Variants in ENOX1 observed in about 807,000 individuals in gnomAD.
The protein encoded by ENOX1 is candidate growth-related and time keeping constitutive hydroquinone (NADH) oxidase.
ENOX1 carries 42 observed loss-of-function variants against 82.5 expected under a neutral mutation model. That is an observed-to-expected ratio of 0.51 (90% CI 0.40 to 0.66). The LOEUF (loss-of-function observed/expected upper bound fraction) is 0.66. ENOX1 is among the 30% of genes least tolerant of loss of function. ENOX1 has a pLI of 0.00. For missense variants in ENOX1, 608 were observed against 811.6 expected (o/e 0.75, Z 3.05); for synonymous variants, 271 against 282.2 (o/e 0.96, Z 0.40).
chr13:43,456,422 C>G lies in ENOX1; in HGVS notation c.-75+27587G>C, dbSNP rs548068153. Among the ~76,000 whole-genome samples the G allele has an allele frequency of 3.3e-5, 5 of 151,992 alleles. No homozygotes were observed. The South Asian group carries it at 8.4e-4, about 25-fold the overall frequency. On this transcript the variant is annotated intron_variant, in intron 3 of 16. Coordinates refer to ENST00000690772, the MANE Select transcript of ENOX1 (RefSeq NM_001347969.2). Reference sequence around the variant, plus strand: ...AGTGGGTCTAGTTTCCAAGGGAAACCCTGAGTGTAGACAGGGTGTGCTTTT... The same window carrying G: ...AGTGGGTCTAGTTTCCAAGGGAAACGCTGAGTGTAGACAGGGTGTGCTTTT...
At chr13:43,354,722 A>C (rs1164041226) in intron 8 of ENOX1, among the ~76,000 whole-genome samples, 1 of 152,206 alleles carries the variant, frequency 6.6e-6, no homozygotes, top group African/African-American at 2.4e-5. Flanking sequence ...GGGCTCTGCC[A>C]TCTGGCCCAG....
rs566482786 is a variant in ENOX1, at chr13:43,770,594, T to C, written c.-285+16058A>G. 1.1e-4 allele frequency among the ~76,000 whole-genome samples: 17 copies of C among 151,948 alleles called. No individual in the cohort carries two copies. The South Asian group carries it at 3.3e-3, about 30-fold the overall frequency. On this transcript the variant is annotated intron_variant, in intron 1 of 16. Coordinates refer to ENST00000690772, the MANE Select transcript of ENOX1 (RefSeq NM_001347969.2). ...ATGGAGAGAGGCCCATTACATGTTA[T>C]TATGAGTTATTATGAAAAAATGGAT...
intron 2 of ENOX1, among the ~76,000 whole-genome samples, chr13:43,522,797 A>C (rs1056689690): frequency 6.6e-6 from 1 of 152,200 alleles, no homozygotes; most frequent in African/African-American, 2.4e-5. Context: ...TCATAAAAGA[A>C]GGGATATTTT....
intron 2 of ENOX1, among the ~76,000 whole-genome samples, chr13:43,593,594 G>T (rs772477128): frequency 3.3e-5 from 5 of 150,940 alleles, no homozygotes; most frequent in Non-Finnish European, 7.4e-5. Context: ...AGCCAACAAG[G>T]GCGCCCTCAC....
At chr13:43,590,138 T>C (rs1340176856) in intron 2 of ENOX1, among the ~76,000 whole-genome samples, 2 of 151,636 alleles carry the variant, frequency 1.3e-5, no homozygotes, top group African/African-American at 4.8e-5. Flanking sequence ...TCAGAAAATA[T>C]CCAATCAGAC....
At chr13:43,470,896 C>G (rs1400193337) in intron 3 of ENOX1, among the ~76,000 whole-genome samples, 1 of 152,052 alleles carries the variant, frequency 6.6e-6, no homozygotes, top group Non-Finnish European at 1.5e-5. Context: ...ATGTAGAACA[C>G]TAAAACTCTC....
chr13:43,533,462 T>C (rs548866166), intron 2 of ENOX1, among the ~76,000 whole-genome samples: 2 of 152,264 alleles, frequency 1.3e-5, no homozygotes, highest in South Asian at 2.1e-4. Flanking sequence ...CATTTCTGAT[T>C]GGCATTCTAT....
At chr13:43,616,170 C>CTATAGATATCTATAGATATATAGA (rs1566641829) in intron 2 of ENOX1, among the ~76,000 whole-genome samples, 774 of 7,328 alleles carry the variant, frequency 0.11, 170 homozygotes, top group Non-Finnish European at 0.2. Context: ...ATCTATCTAT[C>CTATAGATATCTATAGATATATAGA]TATCTATCTA....
chr13:43,700,600 G>A (rs1350806997), intron 1 of ENOX1, among the ~76,000 whole-genome samples: 1 of 152,082 alleles, frequency 6.6e-6, no homozygotes, highest in South Asian at 2.1e-4. Flanking sequence ...CAGGAAACTT[G>A]GTTTGGATCA....
intron 1 of ENOX1, among the ~76,000 whole-genome samples, chr13:43,779,818 C>T (rs1952146865): frequency 6.6e-6 from 1 of 152,182 alleles, no homozygotes; most frequent in Admixed American, 6.5e-5. Flanking sequence ...GTGCACTTCC[C>T]TGCAAGCAGC....
intron 2 of ENOX1, among the ~76,000 whole-genome samples, chr13:43,652,215 C>T (rs1327981734): frequency 1.3e-5 from 2 of 152,046 alleles, no homozygotes; most frequent in African/African-American, 2.4e-5. Flanking sequence ...TGGAAGTCAC[C>T]GGTTAATCCT....
At chr13:43,563,410 T>C (rs1422434601) in intron 2 of ENOX1, among the ~76,000 whole-genome samples, 1 of 152,056 alleles carries the variant, frequency 6.6e-6, no homozygotes, top group Non-Finnish European at 1.5e-5. Flanking sequence ...GGGAAGTTTA[T>C]AGCTACACTA....
chr13:43,685,749 T>C (rs1362806554), intron 1 of ENOX1, among the ~76,000 whole-genome samples: 2 of 152,062 alleles, frequency 1.3e-5, no homozygotes, highest in South Asian at 4.1e-4. Flanking sequence ...GCTAGTATTT[T>C]CTCCTGGGCA....
intron 3 of ENOX1, among the ~76,000 whole-genome samples, chr13:43,416,378 A>C (rs1300619420): frequency 7.6e-5 from 9 of 118,110 alleles, no homozygotes; most frequent in South Asian, 2.9e-4. Context: ...CGCTCCTCAC[A>C]TCCCAGACGG....
At chr13:43,584,208 G>C (rs2080875762) in intron 2 of ENOX1, among the ~76,000 whole-genome samples, 1 of 152,196 alleles carries the variant, frequency 6.6e-6, no homozygotes, top group Non-Finnish European at 1.5e-5. Context: ...CAGGCACGGA[G>C]GTGGGAATAA....
chr13:43,686,005 T>C (rs1385067675), intron 1 of ENOX1, among the ~76,000 whole-genome samples: 1 of 151,958 alleles, frequency 6.6e-6, no homozygotes, highest in East Asian at 1.9e-4. Context: ...GTATGAGTCC[T>C]TAGGGATAAT....
At chr13:43,603,582 T>C (rs1282945493) in intron 2 of ENOX1, among the ~76,000 whole-genome samples, 14 of 143,806 alleles carry the variant, frequency 9.7e-5, no homozygotes, top group African/African-American at 2.2e-4. Flanking sequence ...GTTCCCCTTC[T>C]TGTGTCCATG....
intron 16 of ENOX1, among the ~76,000 whole-genome samples, chr13:43,215,885 A>G (rs1330430234): frequency 6.6e-6 from 1 of 152,168 alleles, no homozygotes; most frequent in Non-Finnish European, 1.5e-5. Context: ...TCTTATAGTC[A>G]GGCATATTTG....
At chr13:43,780,368 A>G (rs1335885823) in intron 1 of ENOX1, among the ~76,000 whole-genome samples, 1 of 152,168 alleles carries the variant, frequency 6.6e-6, no homozygotes, top group Non-Finnish European at 1.5e-5. Context: ...CAATTCCACT[A>G]TTAAAACTAA....
Sources: gnomAD v4.1 joint callset for allele counts (sites outside exome capture counted in the v4.1 genomes callset) on GRCh38, gnomAD v4.1.1 for gene constraint, MANE v1.5 for transcripts, NCBI Gene and HGNC (gene_info 2026-07-23, HGNC 2026-07-21) for gene names.